Variants in CNTN5 observed in about 807,000 individuals in gnomAD.
The protein encoded by CNTN5 is contactin 5, also known as contactin-5.
CNTN5 carries 77 observed loss-of-function variants against 129.1 expected under a neutral mutation model. The observed-to-expected ratio is 0.60, with a 90% CI of 0.50 to 0.72. The LOEUF is 0.72. CNTN5 is among the 30% of genes least tolerant of loss of function. CNTN5 has a pLI of 0.00. For synonymous variants in CNTN5, 509 were observed against 465.6 expected (o/e 1.09, Z -1.20); for missense variants, 1,478 against 1,328.8 (o/e 1.11, Z -1.75).
intron 3 of CNTN5, among the ~76,000 whole-genome samples, chr11:99,710,193 T>C (rs1239807190): frequency 6.6e-6 from 1 of 151,730 alleles, no homozygotes; most frequent in African/African-American, 2.4e-5. Context: ...TATAGTCCCA[T>C]TCTAGGGTCA....
intron 1 of CNTN5, among the ~76,000 whole-genome samples, chr11:99,064,314 AATTC>A (rs2135224303): frequency 6.6e-6 from 1 of 152,298 alleles, no homozygotes; most frequent in African/African-American, 2.4e-5. Flanking sequence ...ATGATTTGCC[AATTC>A]ATTCTGTGTA....
intron 7 of CNTN5, among the ~76,000 whole-genome samples, chr11:99,935,606 T>C (rs1445301275): frequency 6.6e-6 from 1 of 152,118 alleles, no homozygotes; most frequent in African/African-American, 2.4e-5. Context: ...GTTGTGTATA[T>C]ATTATATACA....
chr11:99,655,525 C>T (rs1952322409), intron 3 of CNTN5, among the ~76,000 whole-genome samples: 1 of 152,084 alleles, frequency 6.6e-6, no homozygotes, highest in South Asian at 2.1e-4. Flanking sequence ...GTCCTAGGTC[C>T]ATAGTCTTTT....
At chr11:99,756,538 CT>C (rs1287722930) in intron 3 of CNTN5, among the ~76,000 whole-genome samples, 1 of 152,080 alleles carries the variant, frequency 6.6e-6, no homozygotes, top group African/African-American at 2.4e-5. Flanking sequence ...TGACTTTTCC[CT>C]GCTAAGATCA....
At chr11:100,005,957 T>A (rs1940164376) in intron 9 of CNTN5, among the ~76,000 whole-genome samples, 1 of 152,134 alleles carries the variant, frequency 6.6e-6, no homozygotes, top group South Asian at 2.1e-4. Context: ...AATATGTTCC[T>A]AGATATACAG....
intron 1 of CNTN5, among the ~76,000 whole-genome samples, chr11:99,280,792 A>G (rs1000257105): frequency 6.6e-6 from 1 of 151,872 alleles, no homozygotes; most frequent in Non-Finnish European, 1.5e-5. Context: ...TTTTGAAAGT[A>G]CCAGGACTTA....
chr11:99,821,479 G>T (rs1946799298), intron 4 of CNTN5, among the ~76,000 whole-genome samples: 1 of 152,126 alleles, frequency 6.6e-6, no homozygotes, highest in Middle Eastern at 3.4e-3. Context: ...AAATAGAATT[G>T]TTATTCAGTA....
intron 2 of CNTN5, among the ~76,000 whole-genome samples, chr11:99,436,393 A>G (rs978211108): frequency 6.6e-6 from 1 of 151,448 alleles, no homozygotes; most frequent in Non-Finnish European, 1.5e-5. Flanking sequence ...GCATCATGTT[A>G]TCGTCTCTAA....
intron 2 of CNTN5, among the ~76,000 whole-genome samples, chr11:99,507,643 G>A (rs577494079): frequency 6.6e-6 from 1 of 152,072 alleles, no homozygotes. Context: ...ATAACATTTA[G>A]ATATGGAATA....
intron 1 of CNTN5, among the ~76,000 whole-genome samples, chr11:99,234,944 T>A (rs1467591886): frequency 5.9e-5 from 9 of 152,000 alleles, no homozygotes; most frequent in African/African-American, 2.2e-4. Flanking sequence ...TAGTCTCTGA[T>A]CTAGAGGTAT....
At chr11:99,595,513 A>C (rs539624349) in intron 3 of CNTN5, among the ~76,000 whole-genome samples, 2 of 152,280 alleles carry the variant, frequency 1.3e-5, no homozygotes, top group African/African-American at 4.8e-5. Context: ...AACATGAAAT[A>C]TTAGTAAAAA....
intron 3 of CNTN5, among the ~76,000 whole-genome samples, chr11:99,638,771 A>G (rs1489136064): frequency 6.6e-6 from 1 of 152,098 alleles, no homozygotes; most frequent in Non-Finnish European, 1.5e-5. Flanking sequence ...GGTTCCCATG[A>G]TCTTGGCCCT....
intron 2 of CNTN5, among the ~76,000 whole-genome samples, chr11:99,403,874 T>C (rs1941947746): frequency 6.6e-6 from 1 of 152,180 alleles, no homozygotes; most frequent in Non-Finnish European, 1.5e-5. Context: ...ATGTCCATTT[T>C]GTCTATAGTC....
chr11:99,575,282 A>C (rs1343612425), intron 3 of CNTN5, among the ~76,000 whole-genome samples: 1 of 152,194 alleles, frequency 6.6e-6, no homozygotes, highest in Non-Finnish European at 1.5e-5. Flanking sequence ...AAGAGAAGTG[A>C]AAAAGAAGTC....
intron 15 of CNTN5, among the ~76,000 whole-genome samples, chr11:100,194,286 G>A (rs920209004): frequency 1.1e-4 from 17 of 151,824 alleles, no homozygotes; most frequent in Non-Finnish European, 2.2e-4. Context: ...AGTGAAAAGA[G>A]GCCCCTTCCC....
chr11:99,947,799 A>T (rs1306824240), intron 7 of CNTN5, among the ~76,000 whole-genome samples: 1 of 152,180 alleles, frequency 6.6e-6, no homozygotes, highest in Non-Finnish European at 1.5e-5. Context: ...TCAGACTGCA[A>T]TAAATCTTCA....
intron 9 of CNTN5, among the ~76,000 whole-genome samples, chr11:100,048,543 T>A (rs1486971560): frequency 5.3e-5 from 8 of 152,110 alleles, no homozygotes; most frequent in Admixed American, 3.9e-4. Flanking sequence ...GAAGTTATCT[T>A]TATGAAAGTT....
At chr11:100,328,044 T>A (rs1054724808) in intron 21 of CNTN5, among the ~76,000 whole-genome samples, 3 of 151,776 alleles carry the variant, frequency 2.0e-5, no homozygotes, top group African/African-American at 7.2e-5. Flanking sequence ...GTGCTAAGAG[T>A]TGTATTTTTA....
chr11:100,160,835 G>A (rs1376004664), intron 13 of CNTN5, among the ~76,000 whole-genome samples: 4 of 151,818 alleles, frequency 2.6e-5, no homozygotes, highest in Non-Finnish European at 5.9e-5. Flanking sequence ...ACTATCTGCA[G>A]TGCCACTAAC....
Sources: gnomAD v4.1 joint callset for allele counts (sites outside exome capture counted in the v4.1 genomes callset) on GRCh38, gnomAD v4.1.1 for gene constraint, MANE v1.5 for transcripts, NCBI Gene and HGNC (gene_info 2026-07-23, HGNC 2026-07-21) for gene names.